THSD7A: variants seen among roughly 807,000 people sequenced by gnomAD.
The protein encoded by THSD7A is thrombospondin type 1 domain containing 7A.
A neutral mutation model predicts 231.3 loss-of-function variants in THSD7A; 96 were observed. The observed-to-expected ratio is 0.41, with a 90% CI of 0.35 to 0.49. THSD7A has a LOEUF of 0.49. Ranked by LOEUF, THSD7A falls within the 20% of genes least tolerant of loss-of-function variation. The pLI is 0.05. For synonymous variants in THSD7A, 940 were observed against 743.3 expected, an observed-to-expected ratio of 1.26 and a Z score of -4.30; for missense variants, 2,290 against 2,070.2, an observed-to-expected ratio of 1.11 and a Z score of -2.06.
chr7:11,646,476 CAT>C (rs1206564410), intron 1 of THSD7A, among the ~76,000 whole-genome samples: 1 of 151,936 alleles, frequency 6.6e-6, no homozygotes, highest in Non-Finnish European at 1.5e-5. Flanking sequence ...CTAGTAAATG[CAT>C]ATGTTTGTGA....
intron 9 of THSD7A, among the ~76,000 whole-genome samples, chr7:11,468,968 A>G (rs934219856): frequency 3.9e-5 from 6 of 152,180 alleles, no homozygotes; most frequent in African/African-American, 9.6e-5. Context: ...ATATAAAAAT[A>G]TAGTAACACA....
intron 6 of THSD7A, among the ~76,000 whole-genome samples, chr7:11,538,684 T>A (rs570799756): frequency 7.8e-4 from 119 of 152,300 alleles, no homozygotes; most frequent in Middle Eastern, 3.4e-3. Flanking sequence ...TACAGTGAAA[T>A]GTTTATCTCT....
At chr7:11,747,628 TA>T (rs952842148) in intron 1 of THSD7A, among the ~76,000 whole-genome samples, 1 of 151,818 alleles carries the variant, frequency 6.6e-6, no homozygotes, top group Admixed American at 6.6e-5. Context: ...TCTCTACCTG[TA>T]AAAAAATGAC....
chr7:11,449,781 G>A (rs1323000060), intron 11 of THSD7A, among the ~76,000 whole-genome samples: 1 of 151,984 alleles, frequency 6.6e-6, no homozygotes, highest in Non-Finnish European at 1.5e-5. Context: ...TCTAAACTTA[G>A]TAAGTGCCGA....
chr7:11,499,918 T>G (rs1056464080), intron 6 of THSD7A, among the ~76,000 whole-genome samples: 1 of 152,116 alleles, frequency 6.6e-6, no homozygotes, highest in African/African-American at 2.4e-5. Context: ...CAATGAAAAT[T>G]TCCCCAACCT....
In THSD7A at chr7:11,556,417, A is replaced by G. The variant is rs1789847441; in HGVS notation, c.1454-13300T>C. Among the ~76,000 whole-genome samples the G allele has an allele frequency of 3.3e-5, 5 of 151,740 alleles. No individual in the cohort carries two copies. In the South Asian group the frequency reaches 1.0e-3, roughly 31 times the overall value. ...AGAAATCTTACCCTCCCTCATTTGT[A>G]ATAAATTGTTTTAAATATATCGTCT... is the stretch of plus-strand genomic sequence containing the variant. On this transcript the variant is annotated intron_variant, in intron 4 of 27. Coordinates refer to ENST00000423059, the MANE Select transcript of THSD7A (RefSeq NM_015204.3).
intron 1 of THSD7A, among the ~76,000 whole-genome samples, chr7:11,700,227 T>C (rs943353259): frequency 6.6e-6 from 1 of 151,176 alleles, no homozygotes; most frequent in Non-Finnish European, 1.5e-5. Flanking sequence ...GATAAATTCC[T>C]AGCAGGCTTC....
intron 1 of THSD7A, among the ~76,000 whole-genome samples, chr7:11,790,590 AAAAAT>A (rs1276652843): frequency 6.6e-6 from 1 of 151,928 alleles, no homozygotes; most frequent in East Asian, 1.9e-4. Context: ...TTTTCTATTT[AAAAAT>A]GTTTCTTAAA....
chr7:11,529,269 T>C (rs1788604608), intron 6 of THSD7A, among the ~76,000 whole-genome samples: 2 of 152,286 alleles, frequency 1.3e-5, no homozygotes, highest in East Asian at 3.9e-4. Flanking sequence ...TTTTATTATA[T>C]ATTTATTTTC....
chr7:11,556,888 CT>C (rs1203366010), intron 4 of THSD7A, among the ~76,000 whole-genome samples: 1 of 151,932 alleles, frequency 6.6e-6, no homozygotes, highest in Non-Finnish European at 1.5e-5. Context: ...CTTTCAAATA[CT>C]TTTATCTTTC....
intron 11 of THSD7A, among the ~76,000 whole-genome samples, chr7:11,458,625 A>C (rs1272806268): frequency 6.6e-6 from 1 of 152,104 alleles, no homozygotes; most frequent in Non-Finnish European, 1.5e-5. Flanking sequence ...GACACCAGTA[A>C]TAGGAAATCA....
chr7:11,500,596 G>C (rs542179229), intron 6 of THSD7A, among the ~76,000 whole-genome samples: 9 of 152,142 alleles, frequency 5.9e-5, no homozygotes, highest in African/African-American at 1.7e-4. Flanking sequence ...GACACTTGTA[G>C]GCTCAAAATA....
At chr7:11,695,889 C>A (rs145376657) in intron 1 of THSD7A, among the ~76,000 whole-genome samples, 1 of 151,384 alleles carries the variant, frequency 6.6e-6, no homozygotes. Context: ...AAGATTGAAG[C>A]GGACGTGACT....
chr7:11,543,061 G>A lies in THSD7A; in HGVS notation c.1510C>T (p.Leu504=). Residue 504 remains leucine, a synonymous_variant, in exon 5 of 28, where the codon CTG becomes TTG. Coordinates refer to ENST00000423059, the MANE Select transcript of THSD7A (RefSeq NM_015204.3). Reference sequence around the variant, plus strand: ...TCAGTTGGACAAGGAATGTGGCACAGCTGTGTAGTATTAGGGATAGGTCCA... The same window carrying A: ...TCAGTTGGACAAGGAATGTGGCACAACTGTGTAGTATTAGGGATAGGTCCA... ...CTGPIPNTTQ[L]CHIPCPTECE... 1 of 1,613,896 alleles carries A rather than the reference G, an allele frequency of 6.2e-7. No homozygotes were observed. The highest frequency in any genetic ancestry group is 8.5e-7 in the Non-Finnish European group (1 of 1,179,798).
Position 11,377,406 on chromosome 7 carries a change from T to C in THSD7A, c.4802-749A>G, listed in dbSNP as rs1054773437. On this transcript the variant is annotated intron_variant, in intron 26 of 27. Transcript: ENST00000423059. The surrounding 1 kb of genome is among the most constrained non-coding windows in gnomAD (Gnocchi z 4.5). Reference sequence around the variant, plus strand: ...AGATGTTATTAATGATATTGGCTAATTTAATTTGATCCTCACATCAACATA... The same window carrying C: ...AGATGTTATTAATGATATTGGCTAACTTAATTTGATCCTCACATCAACATA... Among the ~76,000 whole-genome samples, 5 of 152,138 alleles carry C rather than the reference T, an allele frequency of 3.3e-5. No homozygotes were observed. The highest frequency in any genetic ancestry group is 1.2e-4 in the African/African-American group (5 of 41,460).
intron 1 of THSD7A, among the ~76,000 whole-genome samples, chr7:11,785,977 G>C (rs1218697876): frequency 1.3e-5 from 2 of 151,946 alleles, no homozygotes; most frequent in African/African-American, 4.8e-5. Context: ...AATCTGAAAT[G>C]ATTTTCTTTA....
intron 11 of THSD7A, among the ~76,000 whole-genome samples, chr7:11,457,977 T>C (rs1785364928): frequency 6.6e-6 from 1 of 152,080 alleles, no homozygotes; most frequent in Non-Finnish European, 1.5e-5. Flanking sequence ...CTAATTTTCC[T>C]AAAAAATATA....
rs1015703445 is a variant in THSD7A at position 11,461,078 on chromosome 7, A to G, written c.2502-313T>C. ...CACCAGATGGCCCCAGAAGTGATGC[A>G]TGCCATTTAAATAATGTATATTTAT... On this transcript the variant is annotated intron_variant, in intron 10 of 27. Transcript: ENST00000423059. 2.0e-5 allele frequency among the ~76,000 whole-genome samples: 3 copies of G among 152,226 alleles called. No homozygotes were observed. The South Asian group carries it at 6.2e-4, about 32-fold the overall frequency.
intron 6 of THSD7A, among the ~76,000 whole-genome samples, chr7:11,539,048 A>G: frequency 6.6e-6 from 1 of 152,182 alleles, no homozygotes. Context: ...CTTTAACTTA[A>G]TTATAAAACA....
Sources: gnomAD v4.1 joint callset for allele counts (sites outside exome capture counted in the v4.1 genomes callset) on GRCh38, gnomAD v4.1.1 for gene constraint, Gnocchi (gnomAD v3.1) non-coding constraint, MANE v1.5 for transcripts, NCBI Gene and HGNC (gene_info 2026-07-23, HGNC 2026-07-21) for gene names.